DEPDC5: variants seen among roughly 807,000 people sequenced by gnomAD.
DEPDC5 encodes the protein GATOR1 complex protein DEPDC5.
In DEPDC5, 73 loss-of-function variants were observed where a neutral mutation model predicts 217.3. The ratio of observed to expected loss-of-function variants is 0.34; its 90% CI spans 0.28 to 0.41. The LOEUF (loss-of-function observed/expected upper bound fraction) is 0.41, where lower values mean the gene tolerates loss of function less well. Ranked by LOEUF, DEPDC5 falls within the 10% of genes least tolerant of loss-of-function variation. DEPDC5 has a pLI of 1.00. For missense variants in DEPDC5, 1,675 were observed against 2,070.1 expected (o/e 0.81, Z 3.70); for synonymous variants, 733 against 756.7 (o/e 0.97, Z 0.51).
At position 31,758,579 on chromosome 22, in the gene DEPDC5, C is replaced by T. The variant is rs1435688202; in HGVS notation, c.92C>T (p.Pro31Leu). 2.5e-6 allele frequency: 4 copies of T among 1,614,146 alleles called. No homozygotes were observed. The highest frequency in any genetic ancestry group is 3.4e-6 in the Non-Finnish European group (4 of 1,180,030). Reference sequence around the variant, plus strand: ...CTAGTTGTGAACCCCAAAGTGTTCCCTCACATCAAGCTTGGAGACATTGTA... The same window carrying T: ...CTAGTTGTGAACCCCAAAGTGTTCCTTCACATCAAGCTTGGAGACATTGTA... ...DELVVNPKVF[P>L]HIKLGDIVEI... Residue 31 changes from proline to leucine, a missense_variant, in exon 3 of 43, where the codon CCT (proline) becomes CTT (leucine). Coordinates refer to ENST00000651528, the MANE Select transcript of DEPDC5 (RefSeq NM_001242896.3).
rs1188012593 is a variant in DEPDC5, at chr22:31,897,578, C to T, written c.4300C>T (p.Pro1434Ser). The T allele has an allele frequency of 1.2e-6, 2 of 1,613,976 alleles. No individual in the cohort carries two copies. The highest frequency in any genetic ancestry group is 1.7e-6 in the Non-Finnish European group (2 of 1,180,026). ...ACTGCCCAGTTACCTGTATGGCGAC[C>T]CCCTTCGTGCCCAGCTCTTCATCCC... ...FALPSYLYGD[P>S]LRAQLFIPLN... Residue 1434 changes from proline to serine, a missense_variant, in exon 40 of 43, where the codon CCC (proline) becomes TCC (serine). Transcript: ENST00000651528.
chr22:31,802,932 AG>A (rs2087037503), intron 15 of DEPDC5, 94 bp downstream of exon 15: 10 of 1,416,382 alleles, frequency 7.1e-6, no homozygotes, highest in Non-Finnish European at 9.3e-6. Flanking sequence ...GAGTGTGAGG[AG>A]CTCTACATAG....
In DEPDC5 at chr22:31,861,406, C is replaced by T. The variant is rs1364986449; in HGVS notation, c.3303C>T (p.Arg1101=). ...TTATGGAGTTTGTCCGCAGCCCACG[C>T]ACAGCATCGTCCGCCTTCTACCCTC... ...AFFMEFVRSP[R]TASSAFYPQV... Residue 1101 remains arginine (R), a synonymous_variant, in exon 33 of 43, where the codon CGC becomes CGT. Transcript: ENST00000651528. 1.9e-6 allele frequency: 3 copies of T among 1,551,492 alleles called. No individual in the cohort carries two copies. In the East Asian group the frequency reaches 7.3e-5, roughly 38 times the overall value.
intron 7 of DEPDC5, among the ~76,000 whole-genome samples, chr22:31,774,786 T>C (rs774635105): frequency 1.1e-4 from 17 of 152,110 alleles, no homozygotes; most frequent in Non-Finnish European, 2.4e-4. Context: ...GAGGCCACCC[T>C]GGGCAACATA....
chr22:31,834,109 A>G (rs772786505), intron 25 of DEPDC5, 129 bp downstream of exon 25: 3 of 913,916 alleles, frequency 3.3e-6, no homozygotes, highest in East Asian at 2.4e-5. Context: ...GGGGTATGGG[A>G]AGGCGATGTG....
At chr22:31,905,770 A>G (rs1229729750) in intron 41 of DEPDC5, among the ~76,000 whole-genome samples, 2 of 151,794 alleles carry the variant, frequency 1.3e-5, no homozygotes, top group Admixed American at 1.3e-4. Flanking sequence ...GCTGGGTGTG[A>G]GGAGGTCTGG....
chr22:31,829,537 G>GA (rs145515870), intron 24 of DEPDC5, among the ~76,000 whole-genome samples: 59 of 149,546 alleles, frequency 3.9e-4, no homozygotes, highest in Admixed American at 1.0e-3. Flanking sequence ...CATCCCAGGG[G>GA]AAAAAAAAAA....
At chr22:31,772,064 C>T (rs138200016) in intron 7 of DEPDC5, among the ~76,000 whole-genome samples, 2,086 of 151,880 alleles carry the variant, frequency 0.014, 16 homozygotes, top group Middle Eastern at 0.031. Context: ...CAGACTCTGG[C>T]TAAAATAACA....
chr22:31,887,939 G>A (rs1569208659), intron 38 of DEPDC5, among the ~76,000 whole-genome samples: 1 of 152,162 alleles, frequency 6.6e-6, no homozygotes, highest in East Asian at 1.9e-4. Flanking sequence ...TTTATAGGGG[G>A]AAGAAGGCCT....
At position 31,875,146 on chromosome 22, in the gene DEPDC5, A is replaced by C. The variant is rs1246761023; in HGVS notation, c.3696+741A>C. The stretch of plus-strand genomic sequence containing the variant: ...GCTGAGTTGTCATCATGGAAATGTT[A>C]AAATTGATAACTGATTTGAAAAAGC... On this transcript the variant is annotated intron_variant, in intron 36 of 42. Coordinates refer to ENST00000651528, the MANE Select transcript of DEPDC5 (RefSeq NM_001242896.3). The C allele has an allele frequency of 3.0e-5, 5 of 166,630 alleles. No individual in the cohort carries two copies. In the Admixed American group the frequency reaches 3.3e-4, roughly 11 times the overall value. The allele number at this position is 166,630 out of a possible 1,614,324, so 10.3% of individuals were successfully genotyped here.
At chr22:31,762,412 A>T (rs1220496355) in intron 4 of DEPDC5, among the ~76,000 whole-genome samples, 1 of 152,228 alleles carries the variant, frequency 6.6e-6, no homozygotes, top group African/African-American at 2.4e-5. Context: ...TTGAAAGTAA[A>T]TAAGATACTC....
At position 31,821,564 on chromosome 22, in the gene DEPDC5, G is replaced by C; in HGVS notation, c.1933G>C (p.Gly645Arg). ...CCGACAGAATATGGCGGAGCTACAA[G>C]GCAGCGGGCAGAGGGATCCAACTCA... The part of the protein sequence containing the change: ...QTRQNMAELQ[G>R]SGQRDPTHSS... The change falls in exon 23 of 43, where the codon GGC becomes CGC. Residue 645 changes from glycine (G) to arginine (R), a missense_variant. Physicochemically the swap from Gly to Arg is moderately radical, Grantham distance 125. Around this residue, in one of 11 missense-constraint regions of DEPDC5, gnomAD observed 136 missense variants for 132.2 expected, o/e 1.03. Transcript: ENST00000651528. 6.2e-7 allele frequency: 1 copy of C among 1,614,218 alleles called. No individual in the cohort carries two copies. Among genetic ancestry groups the C allele is most frequent in the Non-Finnish European group, 8.5e-7 (1 of 1,180,034 alleles).
chr22:31,883,194 A>C (rs181014799), intron 38 of DEPDC5, among the ~76,000 whole-genome samples: 2,173 of 152,040 alleles, frequency 0.014, 20 homozygotes, highest in Middle Eastern at 0.031. Flanking sequence ...TGGTAAAATT[A>C]CCCCCAGCTG....
rs558948641 is a variant in DEPDC5 at position 31,778,811 on chromosome 22, A to G, written c.483+643A>G. Among the ~76,000 whole-genome samples the G allele has an allele frequency of 7.2e-5, 11 of 152,230 alleles. No individual in the cohort carries two copies. The South Asian group carries it at 2.3e-3, about 32-fold the overall frequency. On this transcript the variant is annotated intron_variant, in intron 8 of 42. Coordinates refer to ENST00000651528, the MANE Select transcript of DEPDC5 (RefSeq NM_001242896.3). The stretch of plus-strand genomic sequence containing the variant: ...TGTATGTCTACCTTTTCTCGTTCCC[A>G]TCTCCATGCCTTCTCTGAGAGCAGT...
intron 6 of DEPDC5, among the ~76,000 whole-genome samples, chr22:31,767,409 C>T (rs2082913344): frequency 6.6e-6 from 1 of 152,092 alleles, no homozygotes; most frequent in South Asian, 2.1e-4. Flanking sequence ...GATTCTCCTG[C>T]CTCAGCCTCC....
At chr22:31,810,744 TTTTG>T (rs2088198498) in intron 20 of DEPDC5, 103 bp downstream of exon 20, 1 of 1,536,136 alleles carries the variant, frequency 6.5e-7, no homozygotes, top group African/African-American at 1.4e-5. Flanking sequence ...TCTTGTTTTG[TTTTG>T]TTTTGTTTCG....
At chr22:31,773,943 C>A (rs1388737913) in intron 7 of DEPDC5, among the ~76,000 whole-genome samples, 2 of 152,000 alleles carry the variant, frequency 1.3e-5, no homozygotes, top group African/African-American at 4.8e-5. Flanking sequence ...TGATGGCAGG[C>A]TCCTGTAATC....
At chr22:31,821,367 C>CCCTTGTATAATGTT (rs370869083) in intron 22 of DEPDC5, 135 bp from the exon 23 acceptor site, 23,661 of 1,269,340 alleles carry the variant, frequency 0.019, 265 homozygotes, top group African/African-American at 0.04. Context: ...TTGGGAGCCA[C>CCCTTGTATAATGTT]CCTCTGTGGT....
At chr22:31,800,427 G>A (rs180674566) in intron 14 of DEPDC5, among the ~76,000 whole-genome samples, 94 of 152,152 alleles carry the variant, frequency 6.2e-4, no homozygotes, top group Non-Finnish European at 1.1e-3. Flanking sequence ...TTAATTTAAA[G>A]CAATAGCTTC....
Sources: gnomAD v4.1 joint callset for allele counts (sites outside exome capture counted in the v4.1 genomes callset) on GRCh38, gnomAD v4.1.1 for gene constraint, gnomAD v4.1.1 regional missense constraint, MANE v1.5 for transcripts, NCBI Gene and HGNC (gene_info 2026-07-23, HGNC 2026-07-21) for gene names.